SGTB: variants seen among roughly 807,000 people sequenced by gnomAD.
SGTB encodes the protein small glutamine rich tetratricopeptide repeat co-chaperone beta, also known as small glutamine-rich tetratricopeptide repeat-containing protein beta.
SGTB carries 19 observed loss-of-function variants against 43.9 expected under a neutral mutation model. The ratio of observed to expected loss-of-function variants is 0.43; its 90% confidence interval spans 0.30 to 0.63. The LOEUF (loss-of-function observed/expected upper bound fraction) is 0.63, where lower values mean the gene tolerates loss of function less well. Ranked by LOEUF, SGTB falls within the 30% of genes least tolerant of loss-of-function variation. The pLI is 0.12. For missense variants in SGTB, 304 were observed against 358.9 expected, an observed-to-expected ratio of 0.85 and a Z score of 1.24; for synonymous variants, 116 against 117.3, an observed-to-expected ratio of 0.99 and a Z score of 0.07.
At chr5:65,722,237 G>A (rs1052643477), upstream of SGTB, 22 of 477,708 alleles carry the variant, frequency 4.6e-5, no homozygotes, top group Non-Finnish European at 6.9e-5. Flanking sequence ...CACGTGGGAG[G>A]GCGCTGGCCA....
At chr5:65,678,509 A>C (rs1757325553) in intron 8 of SGTB, among the ~76,000 whole-genome samples, 1 of 152,240 alleles carries the variant, frequency 6.6e-6, no homozygotes, top group Admixed American at 6.5e-5. Flanking sequence ...TAAAATTCAT[A>C]TGGAACCAAA....
intron 3 of SGTB, among the ~76,000 whole-genome samples, chr5:65,709,927 T>G (rs957552962): frequency 1.3e-5 from 2 of 152,212 alleles, no homozygotes; most frequent in African/African-American, 4.8e-5. Context: ...TATCCATCAT[T>G]ACCTTTGTCT....
intron 9 of SGTB, 55 bp downstream of exon 9, chr5:65,672,189 A>T: frequency 6.2e-7 from 1 of 1,608,806 alleles, no homozygotes; most frequent in Non-Finnish European, 8.5e-7. Flanking sequence ...TCAAATTAGG[A>T]GCCTGGCAAG....
At chr5:65,687,861 C>A (rs1361685059) in intron 5 of SGTB, among the ~76,000 whole-genome samples, 2 of 152,160 alleles carry the variant, frequency 1.3e-5, no homozygotes, top group Non-Finnish European at 2.9e-5. Context: ...CTCCGTCTCC[C>A]AGGTTCAAGT....
At position 65,671,995 on chromosome 5, in the gene SGTB, C is replaced by T; in HGVS notation, c.723G>A (p.Met241Ile). Residue 241 changes from methionine to isoleucine, a missense_variant, in exon 10 of 11, where the codon ATG becomes ATA. By Grantham distance (10) the Met-to-Ile change is conservative. Transcript: ENST00000381007. The part of the protein sequence containing the change: ...LMQNPQVQQL[M>I]SGMMTNAIGG... The stretch of plus-strand genomic sequence containing the variant: ...CAATGGCATTTGTCATCATTCCTGA[C>T]ATTCTAGAGTACACAAGAAATACAT... 1 of 1,613,922 alleles carries T rather than the reference C, an allele frequency of 6.2e-7. No individual in the cohort carries two copies. The highest frequency in any genetic ancestry group is 2.2e-5 in the East Asian group (1 of 44,876).
upstream of SGTB, chr5:65,722,480 G>A: frequency 1.4e-6 from 2 of 1,428,010 alleles, no homozygotes; most frequent in African/African-American, 1.5e-5. Flanking sequence ...TGTGGTGCCT[G>A]GAGCCCGGAC....
intron 3 of SGTB, among the ~76,000 whole-genome samples, chr5:65,711,658 T>A (rs1758048792): frequency 3.3e-5 from 5 of 152,214 alleles, no homozygotes; most frequent in Admixed American, 3.3e-4. Context: ...CAATAAGAAT[T>A]CATCCGTTTG....
At chr5:65,706,929 G>A (rs999388529) in intron 4 of SGTB, among the ~76,000 whole-genome samples, 9 of 151,990 alleles carry the variant, frequency 5.9e-5, no homozygotes, top group Non-Finnish European at 7.4e-5. Flanking sequence ...AGTAAGACAT[G>A]CTCAAACAGT....
chr5:65,691,968 G>A lies in SGTB; in HGVS notation c.375-6496C>T, dbSNP rs1579867076. ...AAAAAAAAATGAAGTTACATAAAAGGATACACGACCAGTTTAAAGGGGCTC... is the reference window on the plus strand; with the variant it reads ...AAAAAAAAATGAAGTTACATAAAAGAATACACGACCAGTTTAAAGGGGCTC... On this transcript the variant is annotated intron_variant, in intron 5 of 10. Coordinates refer to ENST00000381007, the MANE Select transcript of SGTB (RefSeq NM_019072.3). Among the ~76,000 whole-genome samples the A allele has an allele frequency of 2.0e-5, 3 of 150,996 alleles. No homozygotes were observed. In the East Asian group the frequency reaches 5.9e-4, roughly 29 times the overall value.
intron 2 of SGTB, among the ~76,000 whole-genome samples, chr5:65,714,195 C>A (rs1250475194): frequency 2.0e-5 from 3 of 152,056 alleles, no homozygotes; most frequent in African/African-American, 7.3e-5. Flanking sequence ...TAGGAAGAAG[C>A]ACTAAATATT....
At position 65,670,153 on chromosome 5, in the gene SGTB, GT is replaced by G. The variant is rs953314081; in HGVS notation, c.*92del. ...TTTCACACATCAGATATGGTGTTTG[GT>G]TTTTTGAAGGAGGGAGGGGGTACTA... On this transcript the variant is annotated 3_prime_UTR_variant, in exon 11 of 11. Transcript: ENST00000381007. The G allele has an allele frequency of 8.3e-6, 9 of 1,080,604 alleles. No individual in the cohort carries two copies. In the African/African-American group the frequency reaches 1.4e-4, roughly 17 times the overall value. The allele number at this position is 1,080,604 out of a possible 1,614,324, so 66.9% of individuals were successfully genotyped here.
At chr5:65,675,982 A>G (rs1044790332) in intron 8 of SGTB, among the ~76,000 whole-genome samples, 6 of 152,216 alleles carry the variant, frequency 3.9e-5, no homozygotes, top group African/African-American at 2.4e-5. Context: ...AAATTTACAC[A>G]TAACAATACT....
chr5:65,713,117 A>C, intron 2 of SGTB, 53 bp from the exon 3 acceptor site: 1 of 1,351,202 alleles, frequency 7.4e-7, no homozygotes, highest in Non-Finnish European at 1.0e-6. Flanking sequence ...AAAAAGAAAC[A>C]AGTTTTTTTT....
At chr5:65,711,591 G>A (rs1435385162) in intron 3 of SGTB, among the ~76,000 whole-genome samples, 7 of 152,202 alleles carry the variant, frequency 4.6e-5, no homozygotes, top group Admixed American at 2.6e-4. Context: ...GAAGAAAAAG[G>A]GAGCTCCCTG....
At chr5:65,712,290 A>G (rs1758058525) in intron 3 of SGTB, among the ~76,000 whole-genome samples, 1 of 152,154 alleles carries the variant, frequency 6.6e-6, no homozygotes, top group Non-Finnish European at 1.5e-5. Context: ...AAGAAAAGAA[A>G]GAAACAAGTG....
Position 65,704,345 on chromosome 5 carries a change from G to A in SGTB, c.308C>T (p.Ala103Val). The change falls in exon 5 of 11, where the codon GCT (alanine) becomes GTT (valine). Residue 103 changes from alanine to valine, a missense_variant. Ala to Val is a moderately conservative substitution (Grantham distance 64). Transcript: ENST00000381007. ...TGCCTGTGTGTAACAATCCACTGCA[G>A]CAGCATAATTTTCTTCTTTCATGTG... ...NNHMKEENYA[A>V]AVDCYTQAIE... is the part of the protein sequence containing the mutation. The A allele has an allele frequency of 6.2e-7, 1 of 1,612,500 alleles. No homozygotes were observed.
At chr5:65,716,086 A>G (rs55732936) in intron 2 of SGTB, among the ~76,000 whole-genome samples, 51,954 of 152,144 alleles carry the variant, frequency 0.34, 9,158 homozygotes, top group Non-Finnish European at 0.37. Flanking sequence ...TGCAGGTTTA[A>G]CAGAGAGTTC....
intron 8 of SGTB, among the ~76,000 whole-genome samples, chr5:65,674,385 T>C (rs1757222628): frequency 6.6e-6 from 1 of 152,198 alleles, no homozygotes; most frequent in Non-Finnish European, 1.5e-5. Flanking sequence ...CTCACAATTG[T>C]GTGTGCTCAC....
At chr5:65,701,602 A>T (rs1757821381) in intron 5 of SGTB, among the ~76,000 whole-genome samples, 3 of 152,050 alleles carry the variant, frequency 2.0e-5, no homozygotes, top group African/African-American at 7.2e-5. Context: ...TATAGCAGCC[A>T]TAAGCCATAT....
Sources: gnomAD v4.1 joint callset for allele counts (sites outside exome capture counted in the v4.1 genomes callset) on GRCh38, gnomAD v4.1.1 for gene constraint, MANE v1.5 for transcripts, NCBI Gene and HGNC (gene_info 2026-07-23, HGNC 2026-07-21) for gene names.